STK33: variants seen among roughly 807,000 people sequenced by gnomAD.
The protein encoded by STK33 is serine/threonine kinase 33, also known as serine/threonine-protein kinase 33.
In STK33, 52 loss-of-function variants were observed where a neutral mutation model predicts 58.0. The observed-to-expected ratio is 0.90, with a 90% CI of 0.72 to 1.13. STK33 has a LOEUF of 1.13. Ranked by LOEUF, STK33 falls within the 50% of genes most tolerant of loss-of-function variation. STK33 has a pLI of 0.00. For synonymous variants in STK33, 215 were observed against 200.1 expected (o/e 1.07, Z -0.63); for missense variants, 630 against 604.2 (o/e 1.04, Z -0.45).
chr11:8,423,217 T>A (rs894250200), intron 14 of STK33, among the ~76,000 whole-genome samples: 3 of 151,726 alleles, frequency 2.0e-5, no homozygotes, highest in Admixed American at 6.6e-5. Context: ...AATATTGACC[T>A]TGTTGATCTT....
the STK33 span, among the ~76,000 whole-genome samples, chr11:8,361,837 A>G: frequency 3.3e-5 from 5 of 151,990 alleles, no homozygotes; most frequent in African/African-American, 1.2e-4. This position sits in a 1 kb window ranked among gnomAD's most constrained non-coding sequence, Gnocchi z 4.8. Context: ...GTGGGCACCC[A>G]CCCCACCACT....
intron 15 of STK33, among the ~76,000 whole-genome samples, chr11:8,401,642 C>G (rs1169362960): frequency 1.3e-5 from 2 of 152,146 alleles, no homozygotes; most frequent in Non-Finnish European, 2.9e-5. Context: ...AACTAAAGAG[C>G]TTCTGCATAG....
intron 15 of STK33, among the ~76,000 whole-genome samples, chr11:8,403,738 G>C (rs1206854353): frequency 6.6e-6 from 1 of 152,160 alleles, no homozygotes; most frequent in Non-Finnish European, 1.5e-5. Context: ...TATTAATCTT[G>C]AAAAGGGGGC....
chr11:8,339,895 C>CCT, the STK33 span, among the ~76,000 whole-genome samples: 1 of 152,240 alleles, frequency 6.6e-6, no homozygotes, highest in Non-Finnish European at 1.5e-5. Context: ...GTCCTCACCT[C>CCT]CTCTCTCTCC....
chr11:8,504,688 G>A (rs1951746844), intron 1 of STK33, among the ~76,000 whole-genome samples: 2 of 151,800 alleles, frequency 1.3e-5, no homozygotes, highest in African/African-American at 4.8e-5. Context: ...TGTAGTCCTA[G>A]CTACTTGGGA....
chr11:8,494,559 T>C (rs1411422609), intron 1 of STK33, among the ~76,000 whole-genome samples: 2 of 152,216 alleles, frequency 1.3e-5, no homozygotes, highest in African/African-American at 4.8e-5. Context: ...CCCATGAAGC[T>C]ACCAATGACT....
chr11:8,495,957 G>C (rs530542274), intron 1 of STK33, among the ~76,000 whole-genome samples: 11 of 151,940 alleles, frequency 7.2e-5, no homozygotes, highest in African/African-American at 2.7e-4. Context: ...ATGGGGTGGG[G>C]GGCTGGGAGA....
intron 1 of STK33, among the ~76,000 whole-genome samples, chr11:8,511,868 C>T (rs1290745355): frequency 6.6e-6 from 1 of 152,002 alleles, no homozygotes; most frequent in African/African-American, 2.4e-5. Flanking sequence ...TGTTTGATTC[C>T]GTTAGCTAGT....
chr11:8,353,953 G>T, the STK33 span, among the ~76,000 whole-genome samples: 1 of 152,202 alleles, frequency 6.6e-6, no homozygotes. Flanking sequence ...CCACAGCTGG[G>T]TGGTTAGAGC....
At chr11:8,490,000 C>A (rs115296326) in intron 1 of STK33, among the ~76,000 whole-genome samples, 1,842 of 152,258 alleles carry the variant, frequency 0.012, 39 homozygotes, top group African/African-American at 0.042. Context: ...CCACTGTGAT[C>A]AACGCAGAAG....
At chr11:8,337,833 T>C in the STK33 span, among the ~76,000 whole-genome samples, 1 of 152,140 alleles carries the variant, frequency 6.6e-6, no homozygotes, top group African/African-American at 2.4e-5. Flanking sequence ...TAGAAAGCTC[T>C]TCCCCCAGAC....
intron 15 of STK33, among the ~76,000 whole-genome samples, chr11:8,399,577 C>A (rs78574610): frequency 3.2e-3 from 490 of 152,048 alleles, no homozygotes; most frequent in Middle Eastern, 6.8e-3. Context: ...CAAGAGCAAA[C>A]ACATTCAAAA....
chr11:8,522,696 T>C (rs1441251492), intron 1 of STK33, among the ~76,000 whole-genome samples: 4 of 152,124 alleles, frequency 2.6e-5, no homozygotes, highest in African/African-American at 4.8e-5. Flanking sequence ...TGCACCACAA[T>C]GAAAGCAGTC....
intron 1 of STK33, among the ~76,000 whole-genome samples, chr11:8,586,230 A>C (rs533324870): frequency 9.7e-4 from 147 of 151,882 alleles, no homozygotes; most frequent in African/African-American, 3.3e-3. Context: ...AAAAAAAAAA[A>C]AAAAAAACAC....
At chr11:8,393,933 G>T (rs546098263) in intron 15 of STK33, among the ~76,000 whole-genome samples, 1 of 152,200 alleles carries the variant, frequency 6.6e-6, no homozygotes, top group East Asian at 1.9e-4. Flanking sequence ...GCTGAAGAAA[G>T]CCTTTAAAGT....
chr11:8,478,375 T>C (rs1949480301), intron 2 of STK33, among the ~76,000 whole-genome samples: 1 of 152,196 alleles, frequency 6.6e-6, no homozygotes, highest in Non-Finnish European at 1.5e-5. Context: ...TGGACATACA[T>C]AGGTACTGGA....
intron 1 of STK33, among the ~76,000 whole-genome samples, chr11:8,504,220 AG>A (rs1258938032): frequency 9.9e-5 from 15 of 152,206 alleles, no homozygotes; most frequent in African/African-American, 3.6e-4. Context: ...GGTAGATAGG[AG>A]CTTTTCTACT....
chr11:8,392,831 C>A (rs2134883982), intron 15 of STK33, 121 bp from the exon 16 acceptor site: 1 of 812,332 alleles, frequency 1.2e-6, no homozygotes, highest in Non-Finnish European at 1.9e-6. Flanking sequence ...GATATAGGGT[C>A]CAAACTAGTC....
chr11:8,452,724 G>A (rs1436308153), intron 11 of STK33, 98 bp downstream of exon 11: 1 of 1,051,492 alleles, frequency 9.5e-7, no homozygotes. Context: ...GGAGGTCAAG[G>A]CTGCAGTGAG....
Sources: allele counts gnomAD v4.1 joint callset (sites outside exome capture counted in the v4.1 genomes callset), GRCh38; gene constraint gnomAD v4.1.1; non-coding constraint Gnocchi (gnomAD v3.1); transcripts MANE v1.5; gene names NCBI Gene and HGNC (gene_info 2026-07-23, HGNC 2026-07-21).